The following XPO6 variants were observed in gnomAD, a reference collection of about 807,000 sequenced individuals.
XPO6 encodes the protein exportin 6.
A neutral mutation model predicts 130.0 loss-of-function variants in XPO6; 3 were observed. That is an observed-to-expected ratio of 0.02 (90% CI 0.01 to 0.06). XPO6 has a LOEUF of 0.06. Among genes scored for constraint, XPO6 ranks in the 10% least tolerant of loss-of-function variants. XPO6 has a pLI of 1.00. For missense variants in XPO6, 970 were observed against 1,393.0 expected, an observed-to-expected ratio of 0.70 and a Z score of 4.83; for synonymous variants, 524 against 548.9, an observed-to-expected ratio of 0.95 and a Z score of 0.63.
chr16:28,211,424 C>T lies in XPO6; in HGVS notation c.-56G>A, dbSNP rs960099699. 8.4e-6 allele frequency: 11 copies of T among 1,310,320 alleles called. No homozygotes were observed. The African/African-American group carries it at 1.7e-4, about 20-fold the overall frequency. 81.2% of individuals were successfully genotyped at this position (1,310,320 alleles called of 1,614,324 possible). On this transcript the variant is annotated 5_prime_UTR_variant, in exon 1 of 24. Coordinates refer to ENST00000304658, the MANE Select transcript of XPO6 (RefSeq NM_015171.4). ...CTGGTTCTTGGGCTTCGGACACGTC[C>T]CGCTCGCACAGTTCAGGTCATGGTC...
chr16:28,108,486 A>T (rs1023595791), intron 17 of XPO6, among the ~76,000 whole-genome samples: 22 of 152,172 alleles, frequency 1.4e-4, no homozygotes, highest in African/African-American at 5.3e-4. Flanking sequence ...TGGGGATTAG[A>T]GACAAGGTCC....
In XPO6 at chr16:28,167,702, G is replaced by A. The variant is rs184967492; in HGVS notation, c.566-1117C>T. ...CTGTGTTTTCTTCCTCTTTGTACCCGTACAGAACCCGGAACATAAGGTGAT... is the reference window on the plus strand; with the variant it reads ...CTGTGTTTTCTTCCTCTTTGTACCCATACAGAACCCGGAACATAAGGTGAT... On this transcript the variant is annotated intron_variant, in intron 5 of 23. Transcript: ENST00000304658. Among the ~76,000 whole-genome samples, 238 of 152,194 alleles carry A rather than the reference G, an allele frequency of 1.6e-3. 1 individual carries two copies. The highest frequency in any genetic ancestry group is 5.1e-3 in the African/African-American group (213 of 41,510).
intron 2 of XPO6, among the ~76,000 whole-genome samples, chr16:28,179,556 G>C (rs1244111017): frequency 6.6e-6 from 1 of 152,100 alleles, no homozygotes; most frequent in African/African-American, 2.4e-5. Context: ...CCCCCTTGAT[G>C]CTTCTGTTTC....
rs942338634 is a variant in XPO6, at chr16:28,211,281, C to G, written c.3+85G>C. On this transcript the variant is annotated intron_variant, in intron 1 of 23. Coordinates refer to ENST00000304658, the MANE Select transcript of XPO6 (RefSeq NM_015171.4). ...GCGCCTCTCCCCGCCATGGGGAGAG[C>G]AGCGATGGCTCAGCAGCCCCGGGGC... The G allele has an allele frequency of 8.6e-6, 11 of 1,272,288 alleles. No individual in the cohort carries two copies. In the African/African-American group the frequency reaches 1.5e-4, roughly 18 times the overall value. 78.8% of individuals were successfully genotyped at this position (1,272,288 alleles called of 1,614,324 possible).
chr16:28,148,188 A>G (rs1427413031), intron 8 of XPO6, among the ~76,000 whole-genome samples: 1 of 152,218 alleles, frequency 6.6e-6, no homozygotes, highest in African/African-American at 2.4e-5. Flanking sequence ...GCTCCGTCAA[A>G]GTACTTTATA....
intron 1 of XPO6, 68 bp downstream of exon 1, chr16:28,211,297 GC>G: frequency 7.7e-7 from 1 of 1,299,110 alleles, no homozygotes; most frequent in Non-Finnish European, 9.9e-7. Context: ...TGGCTCAGCA[GC>G]CCCGGGGCCC....
chr16:28,100,848 C>G (rs554796044), intron 23 of XPO6, among the ~76,000 whole-genome samples: 1 of 151,960 alleles, frequency 6.6e-6, no homozygotes, highest in Non-Finnish European at 1.5e-5. Flanking sequence ...CCAGCAGCAC[C>G]CAGCTCCCAC....
intron 10 of XPO6, 31 bp from the exon 11 acceptor site, chr16:28,133,964 C>T (rs770419568): frequency 2.5e-6 from 4 of 1,609,302 alleles, no homozygotes; most frequent in South Asian, 1.1e-5. Flanking sequence ...AATCAGCTCT[C>T]CCAGAATCCT....
chr16:28,133,719 G>T, intron 11 of XPO6, 122 bp downstream of exon 11: 1 of 883,882 alleles, frequency 1.1e-6, no homozygotes. Flanking sequence ...TAATTATTCT[G>T]TTTTTAAAAA....
chr16:28,126,084 G>C (rs2087399369), intron 12 of XPO6, among the ~76,000 whole-genome samples: 1 of 152,214 alleles, frequency 6.6e-6, no homozygotes, highest in African/African-American at 2.4e-5. Flanking sequence ...GTGGGAAGGG[G>C]CAGACAGCCT....
intron 7 of XPO6, chr16:28,155,823 G>T: frequency 1.1e-6 from 1 of 897,996 alleles, no homozygotes; most frequent in Non-Finnish European, 1.5e-6. Flanking sequence ...AGGGAGGACA[G>T]GAGATGGATG....
chr16:28,165,971 CTATT>C (rs2043350268), intron 6 of XPO6, among the ~76,000 whole-genome samples: 1 of 152,184 alleles, frequency 6.6e-6, no homozygotes, highest in Non-Finnish European at 1.5e-5. Flanking sequence ...AACCAGTAAA[CTATT>C]TAATAGCCTC....
chr16:28,116,302 A>G (rs1384638788), intron 15 of XPO6, among the ~76,000 whole-genome samples: 1 of 152,154 alleles, frequency 6.6e-6, no homozygotes, highest in African/African-American at 2.4e-5. Flanking sequence ...TCTACAAAAA[A>G]TACAAAAAAA....
intron 15 of XPO6, among the ~76,000 whole-genome samples, chr16:28,114,585 G>A (rs2087008048): frequency 6.6e-6 from 1 of 152,212 alleles, no homozygotes; most frequent in Non-Finnish European, 1.5e-5. Context: ...ACAATCATCT[G>A]AGCCTTCAGA....
intron 1 of XPO6, among the ~76,000 whole-genome samples, chr16:28,190,243 C>T: frequency 6.8e-6 from 1 of 147,854 alleles, no homozygotes; most frequent in East Asian, 2.0e-4. Context: ...TTTTTTGAGA[C>T]TGAGTTTAGC....
rs1567589950 is a variant in XPO6 at position 28,104,538 on chromosome 16, C to A, written c.2946+8G>T. On this transcript the variant is annotated splice_region_variant and intron_variant, in intron 21 of 23. Transcript: ENST00000304658. Reference sequence around the variant, plus strand: ...AGTCACCTGGCAGCAACCCCGCCCCCACGTTACCTGCATGATGGCACTGAA... The same window carrying A: ...AGTCACCTGGCAGCAACCCCGCCCCAACGTTACCTGCATGATGGCACTGAA... The A allele has an allele frequency of 1.9e-6, 3 of 1,613,940 alleles. No homozygotes were observed. Among genetic ancestry groups the A allele is most frequent in the African/African-American group, 2.7e-5 (2 of 74,928 alleles).
intron 1 of XPO6, among the ~76,000 whole-genome samples, chr16:28,193,292 G>A (rs2043812328): frequency 6.6e-6 from 1 of 152,136 alleles, no homozygotes; most frequent in African/African-American, 2.4e-5. Flanking sequence ...ATCTCTGAGG[G>A]CACTGCATTA....
intron 1 of XPO6, among the ~76,000 whole-genome samples, chr16:28,195,751 CA>C (rs1438981672): frequency 1.3e-5 from 2 of 151,988 alleles, no homozygotes; most frequent in African/African-American, 4.8e-5. Context: ...AGACTCGTCT[CA>C]AAAAGAAAAA....
chr16:28,193,525 G>A (rs1054692851), intron 1 of XPO6, among the ~76,000 whole-genome samples: 1 of 152,142 alleles, frequency 6.6e-6, no homozygotes, highest in African/African-American at 2.4e-5. Flanking sequence ...TTGTAATACT[G>A]GAACTATACA....
Sources: allele counts gnomAD v4.1 joint callset (sites outside exome capture counted in the v4.1 genomes callset), GRCh38; gene constraint gnomAD v4.1.1; transcripts MANE v1.5; gene names NCBI Gene and HGNC (gene_info 2026-07-23, HGNC 2026-07-21).